ZNF385D: variants seen among roughly 807,000 people sequenced by gnomAD.
ZNF385D encodes the protein zinc finger protein 385D.
ZNF385D carries 15 observed loss-of-function variants against 35.8 expected under a neutral mutation model. That is an observed-to-expected ratio of 0.42 (90% CI 0.28 to 0.64). ZNF385D has a LOEUF of 0.64. Among genes scored for constraint, ZNF385D ranks in the 30% least tolerant of loss-of-function variants. The probability of loss-of-function intolerance (pLI) is 0.23; values close to 1 mark genes in which losing one functional copy is unlikely to be tolerated. For missense variants in ZNF385D, 474 were observed against 494.6 expected, an observed-to-expected ratio of 0.96 and a Z score of 0.39; for synonymous variants, 212 against 186.8, an observed-to-expected ratio of 1.13 and a Z score of -1.10.
intron 4 of ZNF385D, chr3:21,441,712 C>T (rs1022836126): frequency 3.0e-6 from 3 of 985,214 alleles, no homozygotes; most frequent in African/African-American, 3.5e-5. Context: ...TAAGAATAAA[C>T]CACAGGGCTT....
At chr3:22,163,871 C>T (rs1453927314) in intron 3 of ZNF385D, among the ~76,000 whole-genome samples, 1 of 151,632 alleles carries the variant, frequency 6.6e-6, no homozygotes, top group Admixed American at 6.6e-5. Flanking sequence ...AAAGAATTCC[C>T]ATATCTTTTT....
At chr3:21,815,557 C>CA (rs752057914) in intron 3 of ZNF385D, among the ~76,000 whole-genome samples, 3 of 152,138 alleles carry the variant, frequency 2.0e-5, no homozygotes, top group Non-Finnish European at 4.4e-5. Flanking sequence ...AACACCTCTC[C>CA]ACAAATAAAC....
intron 2 of ZNF385D, among the ~76,000 whole-genome samples, chr3:22,212,476 C>CT (rs1183441957): frequency 6.6e-6 from 1 of 151,992 alleles, no homozygotes; most frequent in Non-Finnish European, 1.5e-5. Context: ...ACATTGTTGA[C>CT]CTTTTGGAAG....
chr3:22,133,280 T>C (rs1703907079), intron 3 of ZNF385D, among the ~76,000 whole-genome samples: 1 of 152,068 alleles, frequency 6.6e-6, no homozygotes, highest in Admixed American at 6.6e-5. Flanking sequence ...AATATCCTTC[T>C]TAATAACATG....
intron 1 of ZNF385D, among the ~76,000 whole-genome samples, chr3:21,666,452 C>A (rs187862059): frequency 6.6e-6 from 1 of 152,126 alleles, no homozygotes; most frequent in Non-Finnish European, 1.5e-5. Context: ...AATAATAGCA[C>A]GGCCAACAAT....
chr3:21,802,479 G>C (rs2072450397), intron 3 of ZNF385D, among the ~76,000 whole-genome samples: 2 of 152,074 alleles, frequency 1.3e-5, no homozygotes, highest in Admixed American at 6.6e-5. Context: ...ACATCTCCAA[G>C]TAAATAATAC....
chr3:22,158,101 A>G (rs1007960650), intron 3 of ZNF385D, among the ~76,000 whole-genome samples: 15 of 152,142 alleles, frequency 9.9e-5, no homozygotes, highest in Middle Eastern at 3.2e-3. Context: ...TGTTCCCTCT[A>G]TCCTCTCCTA....
At chr3:22,206,155 T>C (rs958988649) in intron 2 of ZNF385D, among the ~76,000 whole-genome samples, 4 of 151,640 alleles carry the variant, frequency 2.6e-5, no homozygotes, top group African/African-American at 7.3e-5. Context: ...AAAATAGATA[T>C]CAAGACAAAA....
rs1199267154 is a variant in ZNF385D at position 21,664,806 on chromosome 3, G to A, written c.165+80C>T. 2.5e-6 allele frequency: 4 copies of A among 1,583,698 alleles called. No homozygotes were observed. In the African/African-American group the frequency reaches 4.0e-5, roughly 16 times the overall value. ...TGAACAATATAGCAAAATGGAGGCA[G>A]TGGCCGAACCAACCCTGGCCTTTAA... On this transcript the variant is annotated intron_variant, in intron 2 of 7. Transcript: ENST00000281523.
At chr3:22,013,940 A>C (rs1447523255) in intron 3 of ZNF385D, among the ~76,000 whole-genome samples, 3 of 152,156 alleles carry the variant, frequency 2.0e-5, no homozygotes, top group Non-Finnish European at 4.4e-5. Flanking sequence ...CCCTTCATCA[A>C]CTGCTTTGGT....
chr3:21,844,791 C>CA (rs1001922535), intron 3 of ZNF385D, among the ~76,000 whole-genome samples: 8 of 151,632 alleles, frequency 5.3e-5, no homozygotes, highest in East Asian at 1.9e-4. Flanking sequence ...TTTTGGAAGG[C>CA]AAAAAAATGA....
chr3:21,939,294 G>C lies in ZNF385D; in HGVS notation c.325+229523C>G, dbSNP rs74583279. ...TATGAACATAATTGCATTTAGTCAGGATAACAACACTGTTAAGTACGTATT... is the reference window on the plus strand; with the variant it reads ...TATGAACATAATTGCATTTAGTCAGCATAACAACACTGTTAAGTACGTATT... On this transcript the variant is annotated intron_variant, in intron 3 of 5. Transcript: ENST00000494108. Among the ~76,000 whole-genome samples the C allele has an allele frequency of 5.1e-3, 784 of 152,240 alleles. 11 individuals carry two copies. Among genetic ancestry groups the C allele is most frequent in the African/African-American group, 0.018 (748 of 41,530 alleles).
chr3:21,460,343 A>C (rs1409814758), intron 4 of ZNF385D, among the ~76,000 whole-genome samples: 1 of 152,184 alleles, frequency 6.6e-6, no homozygotes, highest in Non-Finnish European at 1.5e-5. Context: ...GTGTTTAACT[A>C]TTTCATAGAC....
intron 3 of ZNF385D, among the ~76,000 whole-genome samples, chr3:22,004,516 G>A (rs1488834849): frequency 6.6e-6 from 1 of 152,286 alleles, no homozygotes; most frequent in East Asian, 1.9e-4. Flanking sequence ...AGGAGAAAGT[G>A]TTTGCAAATT....
intron 5 of ZNF385D, among the ~76,000 whole-genome samples, chr3:21,434,145 A>T (rs919353379): frequency 6.6e-5 from 10 of 152,334 alleles, no homozygotes; most frequent in South Asian, 4.1e-4. Flanking sequence ...TAACACAGTG[A>T]AACGGAGTGC....
intron 2 of ZNF385D, among the ~76,000 whole-genome samples, chr3:22,175,966 T>G (rs1296428344): frequency 1.3e-5 from 2 of 150,550 alleles, no homozygotes; most frequent in Non-Finnish European, 3.0e-5. Context: ...GAGAAAATTA[T>G]AGTGGGTCAC....
intron 3 of ZNF385D, among the ~76,000 whole-genome samples, chr3:21,774,540 T>C (rs185960894): frequency 1.3e-5 from 2 of 151,264 alleles, no homozygotes; most frequent in Admixed American, 1.3e-4. Flanking sequence ...AAATAGGGAG[T>C]AGAGTCTCTA....
intron 3 of ZNF385D, among the ~76,000 whole-genome samples, chr3:22,096,729 C>G (rs1448243676): frequency 1.3e-5 from 2 of 152,042 alleles, no homozygotes; most frequent in African/African-American, 2.4e-5. Flanking sequence ...CCACGCTGTT[C>G]TATGTGTCAT....
intron 3 of ZNF385D, among the ~76,000 whole-genome samples, chr3:21,825,445 C>G (rs2125746760): frequency 6.6e-6 from 1 of 152,032 alleles, no homozygotes; most frequent in East Asian, 1.9e-4. Flanking sequence ...GATTATAAAA[C>G]TAAAATTGGC....
Sources: gnomAD v4.1 joint callset for allele counts (sites outside exome capture counted in the v4.1 genomes callset) on GRCh38, gnomAD v4.1.1 for gene constraint, MANE v1.5 for transcripts, NCBI Gene and HGNC (gene_info 2026-07-23, HGNC 2026-07-21) for gene names.